PNMA6E: variants seen among roughly 807,000 people sequenced by gnomAD.
PNMA6E encodes paraneoplastic antigen Ma6E.
For missense variants in PNMA6E, 78 were observed against 50.8 expected (o/e 1.53, Z -1.63); for synonymous variants, 43 against 17.1 (o/e 2.52, Z -3.74).
At chrX:153,409,682 TC>T in the PNMA6E span, among the ~76,000 whole-genome samples, 1 of 112,066 alleles carries the variant, frequency 8.9e-6, no homozygotes, top group Non-Finnish European at 1.9e-5. Context: ...TGACCCCTGC[TC>T]CCCCATTTCT....
At chrX:153,407,272 C>T in the PNMA6E span, among the ~76,000 whole-genome samples, 1 of 111,948 alleles carries the variant, frequency 8.9e-6, no homozygotes, top group East Asian at 2.8e-4. Flanking sequence ...CCCTTGGTGA[C>T]CCTCCTGGCT....
rs1353249359 is a variant in PNMA6E, at chrX:153,396,851, C to T, written c.*55G>A. 1.0e-5 allele frequency: 3 copies of T among 298,011 alleles called. No individual in the cohort carries two copies. The highest frequency in any genetic ancestry group is 1.8e-5 in the Non-Finnish European group (3 of 170,412). 24.6% of individuals were successfully genotyped at this position (298,011 alleles called of 1,213,427 possible). Reference sequence around the variant, plus strand: ...GGACTGGCCCTGGCCTGGCCTCTGTCTGCCTCCAAGGCGCTGCTGCCTGAG... The same window carrying T: ...GGACTGGCCCTGGCCTGGCCTCTGTTTGCCTCCAAGGCGCTGCTGCCTGAG... On this transcript the variant is annotated 3_prime_UTR_variant, in exon 2 of 2. Coordinates refer to ENST00000445091, the MANE Select transcript of PNMA6E (RefSeq NM_001367770.1).
At chrX:153,412,859 C>T in the PNMA6E span, among the ~76,000 whole-genome samples, 1 of 112,251 alleles carries the variant, frequency 8.9e-6, no homozygotes, top group Non-Finnish European at 1.9e-5. Flanking sequence ...AGAAGGATCC[C>T]TCAGCGAGCA....
the PNMA6E span, among the ~76,000 whole-genome samples, chrX:153,408,986 G>A: frequency 8.9e-6 from 1 of 112,672 alleles, no homozygotes; most frequent in Admixed American, 9.3e-5. Context: ...CGTCACCCTG[G>A]ACCTCCCTGC....
At position 153,397,434 on chromosome X, in the gene PNMA6E, C is replaced by T. The variant is rs1052314561; in HGVS notation, c.1416G>A (p.Met472Ile). 1.0e-5 allele frequency: 3 copies of T among 298,392 alleles called. No individual in the cohort carries two copies. Among genetic ancestry groups the T allele is most frequent in the Non-Finnish European group, 1.8e-5 (3 of 170,493 alleles). 24.6% of individuals were successfully genotyped at this position (298,392 alleles called of 1,213,427 possible). Reference protein sequence around the residue: ...SEALQDTLRGMQLEKRPPGFL... With the variant: ...SEALQDTLRGIQLEKRPPGFL... ...AGCCAGGTGGCCTCTTCTCCAGCTG[C>T]ATCCCTCTCAGGGTATCCTGGAGTG... is the stretch of plus-strand genomic sequence containing the variant. The change falls in exon 2 of 2, where the codon ATG (methionine) becomes ATA (isoleucine). Residue 472 changes from methionine to isoleucine, a missense_variant. Met to Ile is a conservative substitution (Grantham distance 10, BLOSUM62 1). Coordinates refer to ENST00000445091, the MANE Select transcript of PNMA6E (RefSeq NM_001367770.1).
At chrX:153,412,905 G>C in the PNMA6E span, among the ~76,000 whole-genome samples, 1 of 112,192 alleles carries the variant, frequency 8.9e-6, no homozygotes, top group Admixed American at 9.3e-5. Context: ...GTTACCCTCT[G>C]CCCCCAGAGG....
Position 153,395,974 on chromosome X carries a change from C to T in PNMA6E, c.*932G>A, listed in dbSNP as rs1383682633. The T allele has an allele frequency of 8.8e-6, 1 of 113,065 alleles. No individual in the cohort carries two copies. Among genetic ancestry groups the T allele is most frequent in the Non-Finnish European group, 1.9e-5 (1 of 53,308 alleles). The allele number at this position is 113,065 out of a possible 1,213,427, so 9.3% of individuals were successfully genotyped here. A position where few individuals can be genotyped will look rare whatever the true frequency, so the allele number is the denominator to read the frequency against. ...CACTGGGAAACACCAGGGAACACCC[C>T]ACCAGGCTGAAGAAACTGAGTCACA... On this transcript the variant is annotated 3_prime_UTR_variant, in exon 2 of 2. Coordinates refer to ENST00000445091, the MANE Select transcript of PNMA6E (RefSeq NM_001367770.1).
chrX:153,398,883 C>G lies in PNMA6E; in HGVS notation c.-34G>C. The G allele has an allele frequency of 3.3e-6, 1 of 298,985 alleles. No homozygotes were observed. Among genetic ancestry groups the G allele is most frequent in the Non-Finnish European group, 5.8e-6 (1 of 171,195 alleles). The allele number at this position is 298,985 out of a possible 1,213,427, so 24.6% of individuals were successfully genotyped here. ...ACTTGAGGGAGGGAGCCTGATCAAT[C>G]AGGAATGTGTGCTGACTGTTGCAGT... On this transcript the variant is annotated 5_prime_UTR_variant, in exon 2 of 2. Transcript: ENST00000445091.
chrX:153,398,310 G>C lies in PNMA6E; in HGVS notation c.540C>G (p.Gly180=). The part of the protein sequence containing the change: ...GEAGAAGEAG[G]AGEAGAAGEG... ...CACCTGCTGCTCCTGCCTCACCTGC[G>C]CCTCCTGCCTCACCTGCTGCTCCTG... Residue 180 remains glycine, a synonymous_variant, in exon 2 of 2, where the codon GGC becomes GGG. Coordinates refer to ENST00000445091, the MANE Select transcript of PNMA6E (RefSeq NM_001367770.1). 3.0e-6 allele frequency: 1 copy of C among 334,469 alleles called. No individual in the cohort carries two copies. The highest frequency in any genetic ancestry group is 5.0e-6 in the Non-Finnish European group (1 of 199,372). 27.6% of individuals were successfully genotyped at this position (334,469 alleles called of 1,213,427 possible).
chrX:153,410,463 C>T, the PNMA6E span, among the ~76,000 whole-genome samples: 4 of 111,504 alleles, frequency 3.6e-5, no homozygotes, highest in African/African-American at 1.3e-4. Flanking sequence ...CAGCTGAGGG[C>T]CACCGGGAGA....
the PNMA6E span, among the ~76,000 whole-genome samples, chrX:153,410,481 C>A: frequency 2.7e-5 from 3 of 111,584 alleles, no homozygotes; most frequent in Admixed American, 9.4e-5. Context: ...AGACTCCCTG[C>A]CTCTGCGCCG....
chrX:153,408,007 G>C, the PNMA6E span, among the ~76,000 whole-genome samples: 1 of 112,804 alleles, frequency 8.9e-6, no homozygotes, highest in Non-Finnish European at 1.9e-5. Context: ...AGAGGCTGGG[G>C]CCTGGGTGAC....
chrX:153,410,664 G>A, the PNMA6E span, among the ~76,000 whole-genome samples: 4 of 112,918 alleles, frequency 3.5e-5, no homozygotes, highest in East Asian at 1.1e-3. Flanking sequence ...AGTGCTCCTG[G>A]CCAGGGCCCA....
chrX:153,401,884 G>A (rs2088854774), upstream of PNMA6E, among the ~76,000 whole-genome samples: 1 of 93,417 alleles, frequency 1.1e-5, no homozygotes, highest in Non-Finnish European at 2.1e-5. Flanking sequence ...GGCTGCAGTG[G>A]CGCAATTTCG....
the PNMA6E span, among the ~76,000 whole-genome samples, chrX:153,407,812 C>T: frequency 1.1e-3 from 122 of 112,375 alleles, no homozygotes; most frequent in South Asian, 1.8e-3. Flanking sequence ...GTTAGTGATC[C>T]GAGCAGTCCA....
chrX:153,404,989 G>A (rs1013132136), upstream of PNMA6E, among the ~76,000 whole-genome samples: 7 of 112,757 alleles, frequency 6.2e-5, no homozygotes, highest in African/African-American at 1.6e-4. Flanking sequence ...ATTTCATCCT[G>A]GTTTCATAGA....
the PNMA6E span, among the ~76,000 whole-genome samples, chrX:153,408,234 G>A: frequency 1.4e-3 from 163 of 112,928 alleles, no homozygotes; most frequent in Non-Finnish European, 2.7e-3. Flanking sequence ...AGGAACCGGA[G>A]CCACAGCTGC....
chrX:153,398,266 T>C lies in PNMA6E; in HGVS notation c.584A>G (p.Glu195Gly). The C allele has an allele frequency of 2.3e-6, 1 of 438,646 alleles. No homozygotes were observed. The highest frequency in any genetic ancestry group is 3.9e-6 in the Non-Finnish European group (1 of 254,335). 36.1% of individuals were successfully genotyped at this position (438,646 alleles called of 1,213,427 possible). Residue 195 changes from glutamate to glycine, a missense_variant, in exon 2 of 2, where the codon GAG becomes GGG. Coordinates refer to ENST00000445091, the MANE Select transcript of PNMA6E (RefSeq NM_001367770.1). Reference sequence around the variant, plus strand: ...TCCTGCCTCACCTGCGCCTCCTGCCTCACCTGCTGCTCCTCCCTCACCTGC... The same window carrying C: ...TCCTGCCTCACCTGCGCCTCCTGCCCCACCTGCTGCTCCTCCCTCACCTGC... ...GAAGEGGAAGEAGGAGEAGGV... is the reference protein window; with the variant it reads ...GAAGEGGAAGGAGGAGEAGGV...
intron 1 of PNMA6E, among the ~76,000 whole-genome samples, chrX:153,399,880 T>G (rs1025614976): frequency 1.6e-4 from 18 of 112,224 alleles, no homozygotes; most frequent in African/African-American, 5.5e-4. Context: ...CTCTGACCAC[T>G]TCCTTCCTTC....
Sources: allele counts gnomAD v4.1 joint callset (sites outside exome capture counted in the v4.1 genomes callset), GRCh38; gene constraint gnomAD v4.1.1; transcripts MANE v1.5; gene names NCBI Gene and HGNC (gene_info 2026-07-23, HGNC 2026-07-21).